DTNB: variants seen among roughly 807,000 people sequenced by gnomAD.
DTNB encodes the protein DTN-B.
DTNB carries 63 observed loss-of-function variants against 90.7 expected under a neutral mutation model. The observed-to-expected ratio is 0.69, with a 90% CI of 0.57 to 0.86. The LOEUF is 0.86. DTNB is among the 40% of genes least tolerant of loss of function. DTNB has a pLI of 0.00. For synonymous variants in DTNB, 277 were observed against 286.7 expected (o/e 0.97, Z 0.34); for missense variants, 744 against 807.1 (o/e 0.92, Z 0.95).
chr2:25,492,174 T>C (rs2067672223), intron 9 of DTNB, among the ~76,000 whole-genome samples: 1 of 152,170 alleles, frequency 6.6e-6, no homozygotes, highest in South Asian at 2.1e-4. Flanking sequence ...CAAAGTATAG[T>C]TTTGGAGTGA....
intron 9 of DTNB, among the ~76,000 whole-genome samples, chr2:25,490,538 C>A (rs2067181029): frequency 6.6e-6 from 1 of 151,792 alleles, no homozygotes; most frequent in Admixed American, 6.6e-5. Context: ...TAGAAATGCA[C>A]AAAGAGATTT....
intron 9 of DTNB, among the ~76,000 whole-genome samples, chr2:25,522,630 A>C (rs1188064336): frequency 6.6e-6 from 1 of 152,034 alleles, no homozygotes; most frequent in African/African-American, 2.4e-5. Flanking sequence ...CTCATACATT[A>C]TCTTAAAAAA....
intron 9 of DTNB, among the ~76,000 whole-genome samples, chr2:25,488,645 A>T (rs907367416): frequency 6.6e-6 from 1 of 152,088 alleles, no homozygotes; most frequent in Non-Finnish European, 1.5e-5. Context: ...AAAAACGTGC[A>T]TTTACTTATT....
At chr2:25,639,856 C>T (rs1040507019) in intron 2 of DTNB, among the ~76,000 whole-genome samples, 10 of 152,186 alleles carry the variant, frequency 6.6e-5, no homozygotes, top group African/African-American at 1.9e-4. Flanking sequence ...GATGCCATAC[C>T]GTGAGAAAGC....
chr2:25,429,648 AGGGGAT>A (rs2053183699), intron 14 of DTNB, among the ~76,000 whole-genome samples: 1 of 152,214 alleles, frequency 6.6e-6, no homozygotes, highest in African/African-American at 2.4e-5. Context: ...CCTTGAGGTC[AGGGGAT>A]GGGCCTTACT....
At chr2:25,420,140 C>T (rs1417154634) in intron 15 of DTNB, among the ~76,000 whole-genome samples, 1 of 152,098 alleles carries the variant, frequency 6.6e-6, no homozygotes, top group Non-Finnish European at 1.5e-5. Context: ...GTCTGAGACC[C>T]ACTGCCCTCA....
chr2:25,565,246 T>C (rs2058845284), intron 8 of DTNB, among the ~76,000 whole-genome samples: 1 of 152,078 alleles, frequency 6.6e-6, no homozygotes, highest in South Asian at 2.1e-4. Flanking sequence ...TGGGTTTTTC[T>C]TTCTTAAGAG....
chr2:25,381,770 T>C lies in DTNB; in HGVS notation c.1879+2066A>G, dbSNP rs1420941441. Among the ~76,000 whole-genome samples the C allele has an allele frequency of 3.3e-5, 5 of 152,242 alleles. No individual in the cohort carries two copies. In the South Asian group the frequency reaches 8.3e-4, roughly 25 times the overall value. On this transcript the variant is annotated intron_variant, in intron 19 of 20. Transcript: ENST00000406818. ...CCTCCCAGGCCTAGCTCAGACTCAC[T>C]AGACGATTTCAGAATCTGCAGAATC...
chr2:25,408,526 G>A (rs1327794579), intron 16 of DTNB, among the ~76,000 whole-genome samples: 1 of 104,840 alleles, frequency 9.5e-6, no homozygotes, highest in Non-Finnish European at 1.7e-5. Context: ...ACACCAGAGT[G>A]AGACTCCATC....
At chr2:25,587,492 T>A (rs970060666) in intron 6 of DTNB, among the ~76,000 whole-genome samples, 10 of 152,158 alleles carry the variant, frequency 6.6e-5, no homozygotes, top group African/African-American at 2.4e-4. Context: ...CACTGGACTG[T>A]GCCACCAATG....
chr2:25,391,812 C>T (rs2041201509), intron 16 of DTNB, among the ~76,000 whole-genome samples: 1 of 152,076 alleles, frequency 6.6e-6, no homozygotes, highest in Admixed American at 6.6e-5. Context: ...ATAATCTGCT[C>T]CTGAATGATG....
At chr2:25,515,162 G>A (rs2150733102) in intron 9 of DTNB, among the ~76,000 whole-genome samples, 1 of 151,998 alleles carries the variant, frequency 6.6e-6, no homozygotes, top group Admixed American at 6.6e-5. Context: ...AAAACAAAAA[G>A]CAGAACAAAC....
At chr2:25,489,602 G>A (rs1404466118) in intron 9 of DTNB, among the ~76,000 whole-genome samples, 2 of 152,010 alleles carry the variant, frequency 1.3e-5, no homozygotes, top group African/African-American at 4.8e-5. Context: ...AGGATCATTC[G>A]AGCCCAGTAT....
intron 3 of DTNB, among the ~76,000 whole-genome samples, chr2:25,638,755 C>CA (rs2077605174): frequency 6.6e-6 from 1 of 152,092 alleles, no homozygotes; most frequent in East Asian, 1.9e-4. Flanking sequence ...ATAAAAGTGA[C>CA]AGAGAAATCC....
At chr2:25,429,081 G>T (rs922056428) in intron 14 of DTNB, among the ~76,000 whole-genome samples, 2 of 152,146 alleles carry the variant, frequency 1.3e-5, no homozygotes, top group African/African-American at 2.4e-5. Context: ...TGACTACCGA[G>T]CCCCTGAAAC....
chr2:25,390,149 C>T (rs182015666), intron 16 of DTNB, among the ~76,000 whole-genome samples: 22 of 152,270 alleles, frequency 1.4e-4, no homozygotes, highest in Non-Finnish European at 2.6e-4. Flanking sequence ...TGGTATTTCA[C>T]GCTTTTAAAT....
intron 10 of DTNB, among the ~76,000 whole-genome samples, chr2:25,461,791 T>C (rs1354281458): frequency 6.6e-6 from 1 of 152,098 alleles, no homozygotes; most frequent in Non-Finnish European, 1.5e-5. Context: ...AACTTGCAAA[T>C]GTAGTAAGTG....
At chr2:25,650,777 A>G (rs1272898987) in intron 2 of DTNB, among the ~76,000 whole-genome samples, 1 of 152,174 alleles carries the variant, frequency 6.6e-6, no homozygotes, top group Non-Finnish European at 1.5e-5. Flanking sequence ...CCCGGCCAAC[A>G]TGGTGAAACC....
chr2:25,546,453 C>T (rs151184051), intron 8 of DTNB, among the ~76,000 whole-genome samples: 134 of 152,334 alleles, frequency 8.8e-4, no homozygotes, highest in Middle Eastern at 3.4e-3. Context: ...CTCTGGGCCA[C>T]TGGAGTTTTT....
Sources: gnomAD v4.1 joint callset for allele counts (sites outside exome capture counted in the v4.1 genomes callset) on GRCh38, gnomAD v4.1.1 for gene constraint, MANE v1.5 for transcripts, NCBI Gene and HGNC (gene_info 2026-07-23, HGNC 2026-07-21) for gene names.